The following CDH13 variants were observed in gnomAD, a reference collection of about 807,000 sequenced individuals.
The protein encoded by CDH13 is cadherin-13.
CDH13 carries 24 observed loss-of-function variants against 63.8 expected under a neutral mutation model. That is an observed-to-expected ratio of 0.38 (90% CI 0.27 to 0.53). CDH13 has a LOEUF of 0.53. CDH13 is among the 20% of genes least tolerant of loss of function. CDH13 has a pLI of 0.85. For missense variants in CDH13, 1,049 were observed against 903.1 expected, an observed-to-expected ratio of 1.16 and a Z score of -2.07; for synonymous variants, 503 against 355.3, an observed-to-expected ratio of 1.42 and a Z score of -4.67.
At chr16:82,630,140 T>C (rs1005783668) in intron 1 of CDH13, among the ~76,000 whole-genome samples, 1 of 152,166 alleles carries the variant, frequency 6.6e-6, no homozygotes, top group Admixed American at 6.5e-5. Context: ...CTCCTGCAAA[T>C]TTGTGTGTTA....
chr16:83,181,164 T>C (rs974747448), intron 4 of CDH13: 2 of 666,610 alleles, frequency 3.0e-6, no homozygotes, highest in African/African-American at 3.7e-5. Context: ...TCACATCTAC[T>C]GAAGGCTTTG....
chr16:83,284,515 T>C (rs2089260725), intron 5 of CDH13, among the ~76,000 whole-genome samples: 1 of 152,066 alleles, frequency 6.6e-6, no homozygotes, highest in Admixed American at 6.5e-5. Flanking sequence ...GATTAAAGAG[T>C]ACAGGCTACT....
intron 5 of CDH13, among the ~76,000 whole-genome samples, chr16:83,329,456 C>G (rs993122119): frequency 6.6e-6 from 1 of 151,234 alleles, no homozygotes; most frequent in Non-Finnish European, 1.5e-5. Context: ...AGGCTGGTCT[C>G]GAACTCCTGA....
intron 5 of CDH13, among the ~76,000 whole-genome samples, chr16:83,273,472 A>G (rs2151848615): frequency 6.6e-6 from 1 of 152,238 alleles, no homozygotes; most frequent in African/African-American, 2.4e-5. Flanking sequence ...TTCTTCCTGC[A>G]AGTTCCCATA....
At chr16:82,930,616 C>T (rs2042459513) in intron 2 of CDH13, among the ~76,000 whole-genome samples, 1 of 152,146 alleles carries the variant, frequency 6.6e-6, no homozygotes. Flanking sequence ...CGTCAGCTCT[C>T]TTTGCAGTCG....
At chr16:83,204,849 T>G (rs1349206935) in intron 4 of CDH13, among the ~76,000 whole-genome samples, 1 of 152,224 alleles carries the variant, frequency 6.6e-6, no homozygotes, top group Non-Finnish European at 1.5e-5. Context: ...TTTGGAACAT[T>G]GCTGGTCACC....
At chr16:82,690,110 G>A (rs1165700043) in intron 1 of CDH13, among the ~76,000 whole-genome samples, 2 of 141,452 alleles carry the variant, frequency 1.4e-5, no homozygotes, top group South Asian at 2.4e-4. Flanking sequence ...AGAGGTTGCA[G>A]TGAGCCAAGA....
chr16:83,499,062 C>T (rs1035828503), intron 7 of CDH13, among the ~76,000 whole-genome samples: 2 of 152,166 alleles, frequency 1.3e-5, no homozygotes, highest in African/African-American at 4.8e-5. Flanking sequence ...TGATCAAATA[C>T]GTGTGCAAAG....
chr16:83,052,572 G>A (rs973859750), intron 3 of CDH13, among the ~76,000 whole-genome samples: 4 of 152,092 alleles, frequency 2.6e-5, no homozygotes, highest in East Asian at 1.9e-4. Flanking sequence ...CTGGGGTCAC[G>A]AGTTGAAGAC....
intron 5 of CDH13, among the ~76,000 whole-genome samples, chr16:83,265,087 G>A (rs1432664899): frequency 2.0e-5 from 3 of 152,122 alleles, no homozygotes; most frequent in African/African-American, 4.8e-5. Flanking sequence ...ACAGAGCTGT[G>A]AGATACTTGT....
intron 5 of CDH13, among the ~76,000 whole-genome samples, chr16:83,247,040 G>T (rs369648904): frequency 2.6e-5 from 4 of 152,210 alleles, no homozygotes; most frequent in East Asian, 1.9e-4. Context: ...ATCTGTAGGT[G>T]ATGGTGAGAA....
At chr16:83,233,674 A>C (rs1393135036) in intron 5 of CDH13, among the ~76,000 whole-genome samples, 3 of 152,116 alleles carry the variant, frequency 2.0e-5, no homozygotes, top group Non-Finnish European at 1.5e-5. Context: ...TTTCACACTG[A>C]CATCTTTCCT....
At chr16:82,703,813 T>C (rs1460352388) in intron 1 of CDH13, among the ~76,000 whole-genome samples, 2 of 152,186 alleles carry the variant, frequency 1.3e-5, no homozygotes, top group Middle Eastern at 6.8e-3. Flanking sequence ...TGTACAACAA[T>C]GTGTATATAC....
chr16:83,572,933 C>T (rs1904777007), intron 7 of CDH13, among the ~76,000 whole-genome samples: 2 of 152,170 alleles, frequency 1.3e-5, no homozygotes, highest in African/African-American at 4.8e-5. Flanking sequence ...CATTAAGTTT[C>T]ACACATAAAG....
At chr16:83,338,468 G>A (rs2090649566) in intron 5 of CDH13, among the ~76,000 whole-genome samples, 1 of 152,222 alleles carries the variant, frequency 6.6e-6, no homozygotes, top group Admixed American at 6.5e-5. Flanking sequence ...CAGGCATTGG[G>A]TCCAGGCTTC....
At chr16:83,498,595 G>C (rs1448329197) in intron 7 of CDH13, among the ~76,000 whole-genome samples, 1 of 152,088 alleles carries the variant, frequency 6.6e-6, no homozygotes, top group Non-Finnish European at 1.5e-5. Flanking sequence ...AATCTAATGA[G>C]GTCAGTAAAG....
intron 7 of CDH13, among the ~76,000 whole-genome samples, chr16:83,502,819 G>A (rs1421647633): frequency 1.3e-5 from 2 of 152,228 alleles, no homozygotes; most frequent in African/African-American, 4.8e-5. Flanking sequence ...GATGACACAG[G>A]AGTGTTCTAA....
chr16:83,486,869 C>G (rs545071731), intron 7 of CDH13, among the ~76,000 whole-genome samples: 10 of 152,244 alleles, frequency 6.6e-5, no homozygotes, highest in Non-Finnish European at 1.2e-4. Context: ...GCGCCTGGAA[C>G]TGTTTGTATT....
At chr16:83,339,450 A>G (rs2151354607) in intron 5 of CDH13, among the ~76,000 whole-genome samples, 1 of 152,248 alleles carries the variant, frequency 6.6e-6, no homozygotes, top group Non-Finnish European at 1.5e-5. Flanking sequence ...GGGGAGTAAT[A>G]TTTGACTTCA....
Sources: gnomAD v4.1 joint callset for allele counts (sites outside exome capture counted in the v4.1 genomes callset) on GRCh38, gnomAD v4.1.1 for gene constraint, MANE v1.5 for transcripts, NCBI Gene and HGNC (gene_info 2026-07-23, HGNC 2026-07-21) for gene names.